RELA: variants seen among roughly 807,000 people sequenced by gnomAD.
RELA encodes transcription factor p65.
In RELA, 14 loss-of-function variants were observed where a neutral mutation model predicts 56.7. The ratio of observed to expected loss-of-function variants is 0.25; its 90% CI spans 0.16 to 0.39. RELA has a LOEUF of 0.39. Among genes scored for constraint, RELA ranks in the 10% least tolerant of loss-of-function variants. The pLI, the probability that RELA is intolerant of heterozygous loss-of-function variation, is 1.00. For missense variants in RELA, 559 were observed against 736.4 expected (o/e 0.76, Z 2.79); for synonymous variants, 315 against 289.7 (o/e 1.09, Z -0.89).
intron 4 of RELA, 187 bp downstream of exon 4, chr11:65,661,500 C>G (rs923021405): frequency 1.8e-6 from 1 of 549,212 alleles, no homozygotes; most frequent in African/African-American, 1.9e-5. Flanking sequence ...TCCCCTGGAA[C>G]TCATCTGCTA....
Position 65,658,209 on chromosome 11 carries a change from GCCCCAGACATGCAGTCTTGGC to G in RELA, c.877+57_877+77del. 8.8e-7 allele frequency: 1 copy of G among 1,140,062 alleles called. No homozygotes were observed. Among genetic ancestry groups the G allele is most frequent in the Non-Finnish European group, 1.2e-6 (1 of 806,036 alleles). The allele number at this position is 1,140,062 out of a possible 1,614,324, so 70.6% of individuals were successfully genotyped here. On this transcript the variant is annotated intron_variant, in intron 8 of 10. Coordinates refer to ENST00000406246, the MANE Select transcript of RELA (RefSeq NM_021975.4). The surrounding 1 kb of genome is among the most constrained non-coding windows in gnomAD (Gnocchi z 4.5). ...CTCCAGCTTCTGGCCCTCAACCACA[GCCCCAGACATGCAGTCTTGGC>G]CTCTCTCTCACGGCACAGAGCCCAG...
intron 10 of RELA, 118 bp downstream of exon 10, chr11:65,655,570 C>G (rs1288947552): frequency 9.9e-7 from 1 of 1,013,232 alleles, no homozygotes; most frequent in African/African-American, 1.6e-5. Flanking sequence ...CTGCGCCATC[C>G]TTTCAAAGCC....
At chr11:65,660,077 G>C in intron 5 of RELA, 47 bp downstream of exon 5, 1 of 1,561,886 alleles carries the variant, frequency 6.4e-7, no homozygotes, top group South Asian at 1.1e-5. Flanking sequence ...AGGCGGGCTG[G>C]GGAGGGTGAC....
intron 4 of RELA, 137 bp downstream of exon 4, chr11:65,661,550 T>G (rs573661965): frequency 1.3e-6 from 1 of 741,422 alleles, no homozygotes; most frequent in Admixed American, 2.6e-5. Context: ...ACAAAGGCAG[T>G]TTACTTGCAG....
chr11:65,661,165 C>A lies in RELA; in HGVS notation c.335+522G>T, dbSNP rs1047819106. On this transcript the variant is annotated intron_variant, in intron 4 of 10. Coordinates refer to ENST00000406246, the MANE Select transcript of RELA (RefSeq NM_021975.4). ...TCCTCCCACCTCAGCCTCCCTGGGA[C>A]TATAGGCGCATGCCACCATACCCAG... Among the ~76,000 whole-genome samples the A allele has an allele frequency of 6.6e-5, 10 of 152,190 alleles. No homozygotes were observed. In the East Asian group the frequency reaches 1.4e-3, roughly 21 times the overall value.
At chr11:65,657,745 G>C (rs964259335) in intron 8 of RELA, among the ~76,000 whole-genome samples, 1 of 152,196 alleles carries the variant, frequency 6.6e-6, no homozygotes, top group Non-Finnish European at 1.5e-5. Flanking sequence ...ATGTCATTCC[G>C]TGACTTAAGG....
Position 65,654,461 on chromosome 11 carries a change from T to A in RELA, c.1573A>T (p.Asn525Tyr). The A allele has an allele frequency of 6.2e-7, 1 of 1,607,706 alleles. No homozygotes were observed. The highest frequency in any genetic ancestry group is 8.5e-7 in the Non-Finnish European group (1 of 1,177,582). The stretch of plus-strand genomic sequence containing the variant: ...TCTTCATCTCCTGAAAGGAGGCCAT[T>A]GGGGAGCCCCGGGGCCCCCAGTGGA... ...PAPLGAPGLP[N>Y]GLLSGDEDFS... The change falls in exon 11 of 11, where the codon AAT (asparagine) becomes TAT (tyrosine). Residue 525 changes from asparagine to tyrosine, a missense_variant. Asn to Tyr is a moderately radical substitution (Grantham distance 143, BLOSUM62 -2). Around this residue, in one of 4 missense-constraint regions of RELA, gnomAD observed 365 missense variants for 387.5 expected, o/e 0.94. Coordinates refer to ENST00000406246, the MANE Select transcript of RELA (RefSeq NM_021975.4).
At chr11:65,655,834 C>A in intron 9 of RELA, 21 bp downstream of exon 9, 1 of 1,613,932 alleles carries the variant, frequency 6.2e-7, no homozygotes, top group Non-Finnish European at 8.5e-7. Flanking sequence ...TCCTCTCTGG[C>A]TTTCCCAGTC....
At chr11:65,660,305 C>A in intron 4 of RELA, 90 bp from the exon 5 acceptor site, 1 of 1,182,340 alleles carries the variant, frequency 8.5e-7, no homozygotes, top group South Asian at 1.3e-5. Flanking sequence ...CTCTGCCCAC[C>A]CCTAGATCAT....
At chr11:65,662,933 C>T, upstream of RELA, 2 of 995,398 alleles carry the variant, frequency 2.0e-6, no homozygotes, top group Non-Finnish European at 2.5e-6. Flanking sequence ...CGCGGCCCGC[C>T]GTCGCGTCAC....
chr11:65,660,366 C>G, intron 4 of RELA, 151 bp from the exon 5 acceptor site: 2 of 672,094 alleles, frequency 3.0e-6, no homozygotes, highest in Non-Finnish European at 2.6e-6. Flanking sequence ...TGCAACGAAC[C>G]CTGTCCCTTC....
Position 65,658,346 on chromosome 11 carries a change from C to T in RELA, c.818G>A (p.Arg273Gln), listed in dbSNP as rs778642588. ...ACTGAGCTCCCGGTCGGAAGGCCGC[C>T]GCAGCTGCATGGAGACACGCACAGG... The part of the protein sequence containing the change: ...QAPVRVSMQL[R>Q]RPSDRELSEP... Residue 273 changes from arginine (R) to glutamine (Q), a missense_variant, in exon 8 of 11, where the codon CGG (arginine) becomes CAG (glutamine). By Grantham distance (43) the Arg-to-Gln change is conservative. Coordinates refer to ENST00000406246, the MANE Select transcript of RELA (RefSeq NM_021975.4). The surrounding 1 kb of genome is among the most constrained non-coding windows in gnomAD (Gnocchi z 4.5). The T allele has an allele frequency of 2.9e-5, 46 of 1,613,006 alleles. No homozygotes were observed. The highest frequency in any genetic ancestry group is 3.4e-5 in the Non-Finnish European group (40 of 1,179,700).
At position 65,661,927 on chromosome 11, in the gene RELA, C is replaced by T. The variant is rs1214297803; in HGVS notation, c.186+10G>A. The T allele has an allele frequency of 2.5e-6, 4 of 1,612,116 alleles. No individual in the cohort carries two copies. In the South Asian group the frequency reaches 3.3e-5, roughly 13 times the overall value. Reference sequence around the variant, plus strand: ...AGTCCCTTCCCCGCACACCCTGGCGCAGTGCTGACCTTGATGGTGGGGTGG... The same window carrying T: ...AGTCCCTTCCCCGCACACCCTGGCGTAGTGCTGACCTTGATGGTGGGGTGG... On this transcript the variant is annotated intron_variant, in intron 3 of 10. Transcript: ENST00000406246.
chr11:65,660,475 A>AGGACACTCATTCCCACCT (rs11568303), intron 4 of RELA: 38,630 of 520,160 alleles, frequency 0.074, 2,461 homozygotes, highest in South Asian at 0.23. Context: ...CTCTAAACAC[A>AGGACACTCATTCCCACCT]GGACACTCAT....
rs1209657498 is a variant in RELA, at chr11:65,654,844, G to A, written c.1190C>T (p.Pro397Leu). 1 of 1,557,150 alleles carries A rather than the reference G, an allele frequency of 6.4e-7. No homozygotes were observed. Among genetic ancestry groups the A allele is most frequent in the Non-Finnish European group, 8.7e-7 (1 of 1,147,568 alleles). ...CTGGGCCAGAGCTGATACCATGGCT[G>A]GAGCAGGGGCAGGGGCTGGAGCCTG... ...LPQAPAPAPA[P>L]AMVSALAQAP... Residue 397 changes from proline (P) to leucine (L), a missense_variant, in exon 11 of 11, where the codon CCA becomes CTA. Coordinates refer to ENST00000406246, the MANE Select transcript of RELA (RefSeq NM_021975.4).
chr11:65,663,542 CCGAGGGCT>C (rs994447761), upstream of RELA, among the ~76,000 whole-genome samples: 1 of 152,202 alleles, frequency 6.6e-6, no homozygotes, highest in Non-Finnish European at 1.5e-5. Flanking sequence ...GGCGAGCTGG[CCGAGGGCT>C]CGTCCCTCTC....
At chr11:65,659,953 G>C in intron 5 of RELA, 156 bp from the exon 6 acceptor site, 1 of 1,182,746 alleles carries the variant, frequency 8.5e-7, no homozygotes, top group South Asian at 1.4e-5. Context: ...ACTGTGGCCT[G>C]AATGTCATGT....
At chr11:65,655,323 G>A in intron 10 of RELA, 2 of 569,248 alleles carry the variant, frequency 3.5e-6, no homozygotes, top group Non-Finnish European at 6.2e-6. Context: ...ATGAGCCCAT[G>A]GAGCACCAAG....
intron 4 of RELA, 133 bp downstream of exon 4, chr11:65,661,554 C>T: frequency 1.3e-6 from 1 of 773,146 alleles, no homozygotes; most frequent in South Asian, 2.0e-5. Flanking sequence ...AGGCAGTTTA[C>T]TTGCAGAGCT....
Sources: allele counts gnomAD v4.1 joint callset (sites outside exome capture counted in the v4.1 genomes callset), GRCh38; gene constraint gnomAD v4.1.1; regional missense constraint gnomAD v4.1.1; non-coding constraint Gnocchi (gnomAD v3.1); transcripts MANE v1.5; gene names NCBI Gene and HGNC (gene_info 2026-07-23, HGNC 2026-07-21).